The following CCDC172 variants were observed in gnomAD, a reference collection of about 807,000 sequenced individuals.
The protein encoded by CCDC172 is coiled-coil domain-containing protein 172.
A neutral mutation model predicts 38.0 loss-of-function variants in CCDC172; 30 were observed. The observed-to-expected ratio is 0.79, with a 90% CI of 0.59 to 1.07. The LOEUF (loss-of-function observed/expected upper bound fraction) is 1.07, where lower values mean the gene tolerates loss of function less well. CCDC172 is among the 50% of genes least tolerant of loss of function. CCDC172 has a pLI of 0.00. For missense variants in CCDC172, 297 were observed against 290.1 expected, an observed-to-expected ratio of 1.02 and a Z score of -0.17; for synonymous variants, 78 against 88.3, an observed-to-expected ratio of 0.88 and a Z score of 0.66.
At chr10:116,357,546 T>C (rs1040749073) in intron 6 of CCDC172, 65 bp downstream of exon 6, 13 of 1,262,546 alleles carry the variant, frequency 1.0e-5, no homozygotes, top group Non-Finnish European at 1.2e-5. Flanking sequence ...GATAAGGGCA[T>C]ATTATTCTTT....
intron 5 of CCDC172, among the ~76,000 whole-genome samples, chr10:116,347,347 T>G (rs138706518): frequency 2.5e-4 from 38 of 152,102 alleles, no homozygotes; most frequent in African/African-American, 8.2e-4. Context: ...TCAACTAGAA[T>G]AAGGACTAAG....
chr10:116,353,732 AT>A (rs893638790), intron 5 of CCDC172, among the ~76,000 whole-genome samples: 3 of 152,196 alleles, frequency 2.0e-5, no homozygotes, highest in Non-Finnish European at 4.4e-5. Flanking sequence ...AAGAAAAAAA[AT>A]ATTTTTATAC....
intron 3 of CCDC172, among the ~76,000 whole-genome samples, chr10:116,337,857 C>A (rs151040618): frequency 6.6e-6 from 1 of 152,012 alleles, no homozygotes; most frequent in Non-Finnish European, 1.5e-5. Flanking sequence ...GGTTATATTT[C>A]GAATATTTAC....
intron 3 of CCDC172, among the ~76,000 whole-genome samples, chr10:116,333,695 G>T (rs957390522): frequency 4.6e-5 from 7 of 152,168 alleles, no homozygotes; most frequent in Non-Finnish European, 1.0e-4. Context: ...GTCAGTATTT[G>T]TGCTTTGCTG....
intron 3 of CCDC172, among the ~76,000 whole-genome samples, chr10:116,327,011 T>C (rs1844600915): frequency 2.0e-5 from 3 of 152,194 alleles, no homozygotes; most frequent in Admixed American, 2.0e-4. Flanking sequence ...ACTTTCAGGA[T>C]TGATATCTAG....
chr10:116,324,936 C>T lies in CCDC172; in HGVS notation c.-65-11C>T. 1 of 1,199,762 alleles carries T rather than the reference C, an allele frequency of 8.3e-7. No homozygotes were observed. Among genetic ancestry groups the T allele is most frequent in the South Asian group, 1.2e-5 (1 of 80,596 alleles). 74.3% of individuals were successfully genotyped at this position (1,199,762 alleles called of 1,614,324 possible). A position where few individuals can be genotyped will look rare whatever the true frequency, so the allele number is the denominator to read the frequency against. On this transcript the variant is annotated splice_polypyrimidine_tract_variant and intron_variant, in intron 1 of 8. Transcript: ENST00000333254. ...TCTAGAAGAATCCATCTTCTTTATTCTGCTTTCCAGGATCCTCAGAGTTGG... is the reference window on the plus strand; with the variant it reads ...TCTAGAAGAATCCATCTTCTTTATTTTGCTTTCCAGGATCCTCAGAGTTGG...
intron 8 of CCDC172, 58 bp from the exon 9 acceptor site, chr10:116,379,264 TA>T (rs982865644): frequency 2.7e-5 from 25 of 941,570 alleles, no homozygotes; most frequent in Non-Finnish European, 3.6e-5. Context: ...ACATTTTATG[TA>T]ATTATTTTAT....
chr10:116,329,718 A>G (rs1482644819), intron 3 of CCDC172, among the ~76,000 whole-genome samples: 1 of 152,194 alleles, frequency 6.6e-6, no homozygotes, highest in Non-Finnish European at 1.5e-5. Flanking sequence ...GACAGTGCAA[A>G]AGCAGCAGTG....
chr10:116,363,207 G>A (rs1376803685), intron 7 of CCDC172, among the ~76,000 whole-genome samples: 2 of 152,096 alleles, frequency 1.3e-5, no homozygotes, highest in African/African-American at 4.8e-5. Flanking sequence ...GGTAAAAGGA[G>A]ATGCCTACCC....
At chr10:116,371,180 A>G (rs61864800) in intron 7 of CCDC172, among the ~76,000 whole-genome samples, 17,625 of 151,762 alleles carry the variant, frequency 0.12, 1,590 homozygotes, top group African/African-American at 0.25. Flanking sequence ...TGGGATTGAC[A>G]TATGTATTTT....
chr10:116,372,517 A>G (rs1222084795), intron 7 of CCDC172, among the ~76,000 whole-genome samples: 2 of 151,998 alleles, frequency 1.3e-5, no homozygotes, highest in African/African-American at 4.8e-5. Context: ...GCTTTTTCCA[A>G]TATGTCGTAC....
intron 5 of CCDC172, among the ~76,000 whole-genome samples, chr10:116,354,337 TTAAAAAAAGTTAACTG>T (rs563568020): frequency 4.0e-3 from 611 of 152,242 alleles, no homozygotes; most frequent in African/African-American, 0.014. Flanking sequence ...CTCCTACTTA[TTAAAAAAAGTTAACTG>T]TAAAAAAAGT....
chr10:116,332,581 C>T (rs1038317319), intron 3 of CCDC172, among the ~76,000 whole-genome samples: 2 of 151,990 alleles, frequency 1.3e-5, no homozygotes, highest in Non-Finnish European at 1.5e-5. Context: ...GGATCTAGCA[C>T]TATTATATTC....
At chr10:116,365,067 G>C (rs1311358011) in intron 7 of CCDC172, among the ~76,000 whole-genome samples, 2 of 152,106 alleles carry the variant, frequency 1.3e-5, no homozygotes, top group African/African-American at 4.8e-5. Flanking sequence ...GTGAGTGAGG[G>C]AAGTCCTTGA....
intron 3 of CCDC172, among the ~76,000 whole-genome samples, chr10:116,335,474 G>A (rs1298691809): frequency 7.6e-6 from 1 of 132,092 alleles, no homozygotes; most frequent in Non-Finnish European, 1.6e-5. Flanking sequence ...TCTTTTCATA[G>A]TTTATATTTC....
At chr10:116,339,937 C>T (rs1844772708) in intron 3 of CCDC172, among the ~76,000 whole-genome samples, 1 of 151,774 alleles carries the variant, frequency 6.6e-6, no homozygotes, top group Non-Finnish European at 1.5e-5. Flanking sequence ...TTTTTCTTTT[C>T]CCTGTGGAGA....
intron 7 of CCDC172, among the ~76,000 whole-genome samples, chr10:116,368,260 A>G (rs938992633): frequency 2.6e-5 from 4 of 152,104 alleles, no homozygotes; most frequent in African/African-American, 9.7e-5. Context: ...CCTTTCCCCA[A>G]TAACCCTTCT....
At chr10:116,367,884 A>G (rs1206901495) in intron 7 of CCDC172, among the ~76,000 whole-genome samples, 1 of 151,778 alleles carries the variant, frequency 6.6e-6, no homozygotes, top group African/African-American at 2.4e-5. Context: ...AGGATTACAA[A>G]TTATGTTTTC....
At chr10:116,335,818 C>A (rs1894788) in intron 3 of CCDC172, among the ~76,000 whole-genome samples, 1 of 151,952 alleles carries the variant, frequency 6.6e-6, no homozygotes, top group African/African-American at 2.4e-5. Flanking sequence ...AGCTTCTTTA[C>A]TAAACCCTTT....
Sources: gnomAD v4.1 joint callset for allele counts (sites outside exome capture counted in the v4.1 genomes callset) on GRCh38, gnomAD v4.1.1 for gene constraint, MANE v1.5 for transcripts, NCBI Gene and HGNC (gene_info 2026-07-23, HGNC 2026-07-21) for gene names.